The following MEGF10 variants were observed in gnomAD, a reference collection of about 807,000 sequenced individuals.
The protein encoded by MEGF10 is multiple EGF like domains 10, also known as multiple epidermal growth factor-like domains protein 10.
Under a neutral mutation model 147.5 loss-of-function variants are expected in MEGF10, and 86 were observed. The ratio of observed to expected loss-of-function variants is 0.58; its 90% confidence interval spans 0.49 to 0.70. The LOEUF (loss-of-function observed/expected upper bound fraction) is 0.70. MEGF10 is among the 30% of genes least tolerant of loss of function. MEGF10 has a pLI of 0.00. For missense variants in MEGF10, 1,329 were observed against 1,487.3 expected, an observed-to-expected ratio of 0.89 and a Z score of 1.75; for synonymous variants, 478 against 525.5, an observed-to-expected ratio of 0.91 and a Z score of 1.24.
At chr5:127,290,658 C>G (rs12517649), upstream of MEGF10, among the ~76,000 whole-genome samples, 1 of 152,218 alleles carries the variant, frequency 6.6e-6, no homozygotes, top group Non-Finnish European at 1.5e-5. Flanking sequence ...GCATGTTGCG[C>G]TAGGGACTGC....
In MEGF10 at chr5:127,333,524, AT is replaced by A. The variant is rs201046088; in HGVS notation, c.116+2101del. ...GGACCCTGCCTCAAAAAAAATAAAA[AT>A]AAAAATAAAAAAAGAGAGAGAGAGA... On this transcript the variant is annotated intron_variant, in intron 2 of 24. Coordinates refer to ENST00000503335, the MANE Select transcript of MEGF10 (RefSeq NM_001256545.2). 1.8e-3 allele frequency among the ~76,000 whole-genome samples: 279 copies of A among 151,892 alleles called. 1 individual carries two copies. Among genetic ancestry groups the A allele is most frequent in the African/African-American group, 5.9e-3 (242 of 41,280 alleles).
the MEGF10 span, among the ~76,000 whole-genome samples, chr5:127,269,354 GA>G: frequency 2.0e-5 from 3 of 152,186 alleles, no homozygotes; most frequent in South Asian, 4.1e-4. Context: ...ATGTTAGAAT[GA>G]ATGGCTAACT....
chr5:127,236,229 C>T, the MEGF10 span, among the ~76,000 whole-genome samples: 1 of 152,200 alleles, frequency 6.6e-6, no homozygotes, highest in Non-Finnish European at 1.5e-5. Context: ...CCTCAGCCTC[C>T]CAAAGTGCTG....
In MEGF10 at chr5:127,398,724, G is replaced by C; in HGVS notation, c.708G>C (p.Gln236His). 6.2e-7 allele frequency: 1 copy of C among 1,614,092 alleles called. No homozygotes were observed. The highest frequency in any genetic ancestry group is 1.7e-4 in the Middle Eastern group (1 of 6,050). ...PPGKHGPQCE[Q>H]RCPCQNGGVC... Reference sequence around the variant, plus strand: ...GTAAACATGGTCCACAGTGTGAGCAGAGATGCCCTTGTCAAAATGGAGGAG... The same window carrying C: ...GTAAACATGGTCCACAGTGTGAGCACAGATGCCCTTGTCAAAATGGAGGAG... The change falls in exon 7 of 25, where the codon CAG becomes CAC. Residue 236 changes from glutamine (Q) to histidine (H), a missense_variant. This residue lies in a region of MEGF10 where 980 missense variants were observed against 1,085.9 expected (regional missense o/e 0.90). Transcript: ENST00000503335.
At chr5:127,266,761 A>G in the MEGF10 span, among the ~76,000 whole-genome samples, 3 of 152,180 alleles carry the variant, frequency 2.0e-5, no homozygotes, top group Non-Finnish European at 2.9e-5. Flanking sequence ...TGATTTTTGC[A>G]TATTAATTTT....
At chr5:127,256,728 A>C in the MEGF10 span, among the ~76,000 whole-genome samples, 6 of 152,196 alleles carry the variant, frequency 3.9e-5, no homozygotes, top group South Asian at 1.2e-3. Flanking sequence ...ACATGGTCTA[A>C]TTGCAAGTTT....
intron 13 of MEGF10, among the ~76,000 whole-genome samples, chr5:127,425,610 A>G (rs1380775141): frequency 6.6e-6 from 1 of 152,154 alleles, no homozygotes; most frequent in South Asian, 2.1e-4. Context: ...TTGGACCAAG[A>G]ATTGGCTTAT....
At chr5:127,450,959 A>G (rs914357994) in intron 22 of MEGF10, among the ~76,000 whole-genome samples, 2 of 151,968 alleles carry the variant, frequency 1.3e-5, no homozygotes, top group Non-Finnish European at 1.5e-5. Context: ...GGGTTTCTCC[A>G]TGTTGGCCAG....
intron 5 of MEGF10, among the ~76,000 whole-genome samples, chr5:127,374,059 T>A (rs537284400): frequency 6.6e-6 from 1 of 152,272 alleles, no homozygotes; most frequent in South Asian, 2.1e-4. Flanking sequence ...CTAGCCACAG[T>A]GTACTGCAGG....
At chr5:127,442,292 C>A (rs957645003) in intron 18 of MEGF10, among the ~76,000 whole-genome samples, 1 of 152,116 alleles carries the variant, frequency 6.6e-6, no homozygotes, top group Admixed American at 6.5e-5. Context: ...GCACATTGCC[C>A]CCTGCTGCTC....
rs776755147 is a variant in MEGF10, at chr5:127,457,248, A to G, written c.3353A>G (p.Asp1118Gly). 2.5e-6 allele frequency: 4 copies of G among 1,614,134 alleles called. No individual in the cohort carries two copies. In the Admixed American group the frequency reaches 5.0e-5, roughly 20 times the overall value. The change falls in exon 25 of 25, where the codon GAC becomes GGC. Residue 1118 changes from aspartate to glycine, a missense_variant. Asp to Gly is a moderately conservative substitution (Grantham distance 94). Around this residue, in one of 3 missense-constraint regions of MEGF10, gnomAD observed 343 missense variants for 377.9 expected, o/e 0.91. Transcript: ENST00000503335. ...CATTATGACCTGCTGCCAGTCCGAG[A>G]CAGTTCATCCTCCCCTAAGCAAGAG... ...PCHYDLLPVR[D>G]SSSSPKQEDS...
Position 127,433,633 on chromosome 5 carries a change from G to A in MEGF10, c.1840+124G>A, listed in dbSNP as rs139311504. On this transcript the variant is annotated intron_variant, in intron 14 of 24. Coordinates refer to ENST00000503335, the MANE Select transcript of MEGF10 (RefSeq NM_001256545.2). The stretch of plus-strand genomic sequence containing the variant: ...CTGTTGCAGTTGAAGGCAAAAGAGA[G>A]TGTAATGGTTCACTTGTCCTTTGCA... The A allele has an allele frequency of 3.4e-4, 403 of 1,181,638 alleles. 2 individuals carry two copies. The Middle Eastern group carries it at 7.0e-3, about 20-fold the overall frequency. The allele number at this position is 1,181,638 out of a possible 1,614,324, so 73.2% of individuals were successfully genotyped here. A position where few individuals can be genotyped will look rare whatever the true frequency, so the allele number is the denominator to read the frequency against.
chr5:127,335,455 A>T (rs1450957977), intron 2 of MEGF10, among the ~76,000 whole-genome samples: 1 of 152,200 alleles, frequency 6.6e-6, no homozygotes, highest in Non-Finnish European at 1.5e-5. Context: ...CACTGGCCAT[A>T]GTGGCCGTGA....
the MEGF10 span, among the ~76,000 whole-genome samples, chr5:127,249,359 AAGAAGG>A: frequency 1.3e-5 from 2 of 150,338 alleles, no homozygotes; most frequent in African/African-American, 2.5e-5. Context: ...GAGAGAGAAG[AAGAAGG>A]AGGAGGAGGA....
chr5:127,434,176 T>C (rs149674328), intron 14 of MEGF10, among the ~76,000 whole-genome samples: 74 of 152,324 alleles, frequency 4.9e-4, no homozygotes, highest in African/African-American at 1.6e-3. Context: ...AGAACTTAAG[T>C]ATATAGCATT....
At chr5:127,429,047 C>G (rs759246306) in intron 13 of MEGF10, among the ~76,000 whole-genome samples, 5 of 152,210 alleles carry the variant, frequency 3.3e-5, no homozygotes, top group Non-Finnish European at 5.9e-5. Context: ...ATCTCCTTAT[C>G]AGCATTAGAA....
the MEGF10 span, among the ~76,000 whole-genome samples, chr5:127,235,488 G>C: frequency 2.6e-5 from 4 of 152,330 alleles, no homozygotes; most frequent in African/African-American, 4.8e-5. Context: ...GGTTTACCTA[G>C]TTTGGACTAG....
At chr5:127,386,885 A>G (rs1055067082) in intron 5 of MEGF10, among the ~76,000 whole-genome samples, 3 of 152,226 alleles carry the variant, frequency 2.0e-5, no homozygotes, top group African/African-American at 7.2e-5. Flanking sequence ...GTGCAGTGTC[A>G]CATATAACAA....
chr5:127,449,288 T>C (rs1308067980), intron 22 of MEGF10, 66 bp downstream of exon 22: 7 of 1,589,714 alleles, frequency 4.4e-6, no homozygotes, highest in African/African-American at 1.4e-5. Context: ...CAGTCACGGA[T>C]CTCTGTTTGT....
Sources: gnomAD v4.1 joint callset for allele counts (sites outside exome capture counted in the v4.1 genomes callset) on GRCh38, gnomAD v4.1.1 for gene constraint, gnomAD v4.1.1 regional missense constraint, MANE v1.5 for transcripts, NCBI Gene and HGNC (gene_info 2026-07-23, HGNC 2026-07-21) for gene names.